ALK: variants seen among roughly 807,000 people sequenced by gnomAD.
ALK encodes ALK tyrosine kinase receptor.
In ALK, 74 loss-of-function variants were observed where a neutral mutation model predicts 163.1. The observed-to-expected ratio is 0.45, with a 90% CI of 0.38 to 0.55. The LOEUF is 0.55. Ranked by LOEUF, ALK falls within the 20% of genes least tolerant of loss-of-function variation. The pLI is 0.00. For synonymous variants in ALK, 960 were observed against 843.2 expected, an observed-to-expected ratio of 1.14 and a Z score of -2.40; for missense variants, 2,063 against 2,105.3, an observed-to-expected ratio of 0.98 and a Z score of 0.39.
intron 1 of ALK, among the ~76,000 whole-genome samples, chr2:29,755,893 G>A (rs1288423056): frequency 6.6e-6 from 1 of 152,188 alleles, no homozygotes; most frequent in Non-Finnish European, 1.5e-5. Flanking sequence ...TGTCAGCTCA[G>A]CCCTTTCTGC....
chr2:29,584,277 C>T (rs1313296844), intron 3 of ALK, among the ~76,000 whole-genome samples: 4 of 152,162 alleles, frequency 2.6e-5, no homozygotes, highest in African/African-American at 4.8e-5. Context: ...ACTTGTTAAA[C>T]GATGTTCCCC....
At chr2:29,196,924 C>T (rs1024906612) in intron 27 of ALK, 64 bp from the exon 28 acceptor site, 1 of 1,408,924 alleles carries the variant, frequency 7.1e-7, no homozygotes, top group Non-Finnish European at 1.0e-6. Flanking sequence ...ATATTTTCTT[C>T]CAGCCCCAGG....
intron 3 of ALK, among the ~76,000 whole-genome samples, chr2:29,653,745 A>G (rs1677099443): frequency 6.6e-6 from 1 of 152,096 alleles, no homozygotes; most frequent in Admixed American, 6.6e-5. Context: ...AGGGAGATAG[A>G]GAAGATGAGA....
intron 1 of ALK, among the ~76,000 whole-genome samples, chr2:29,860,391 A>AG (rs979204103): frequency 6.9e-5 from 9 of 129,506 alleles, no homozygotes; most frequent in Admixed American, 2.6e-4. Flanking sequence ...AAGGAAAGGG[A>AG]GAAAAAAAAA....
chr2:29,458,718 C>A (rs570035704), intron 4 of ALK, among the ~76,000 whole-genome samples: 1 of 152,238 alleles, frequency 6.6e-6, no homozygotes, highest in East Asian at 1.9e-4. Context: ...ATAGCTGAAG[C>A]CTCCATTAAG....
intron 5 of ALK, among the ~76,000 whole-genome samples, chr2:29,364,688 G>C (rs1197915356): frequency 6.6e-6 from 1 of 152,210 alleles, no homozygotes; most frequent in Non-Finnish European, 1.5e-5. Flanking sequence ...GGCCATCCTT[G>C]TAGAGACCAA....
At chr2:29,872,236 T>G (rs1473695057) in intron 1 of ALK, among the ~76,000 whole-genome samples, 4 of 152,174 alleles carry the variant, frequency 2.6e-5, no homozygotes, top group Admixed American at 6.5e-5. Flanking sequence ...GTCAAGGAAT[T>G]TAAGTACAGA....
At chr2:29,674,369 G>T (rs1677806337) in intron 3 of ALK, among the ~76,000 whole-genome samples, 1 of 151,746 alleles carries the variant, frequency 6.6e-6, no homozygotes, top group African/African-American at 2.4e-5. Flanking sequence ...AATTTATTGG[G>T]AGTTTTTAGC....
At chr2:29,762,306 G>A (rs1460847002) in intron 1 of ALK, among the ~76,000 whole-genome samples, 8 of 152,162 alleles carry the variant, frequency 5.3e-5, no homozygotes, top group Admixed American at 2.0e-4. Flanking sequence ...TTGTTCAAAC[G>A]AATTGACCTC....
chr2:29,891,371 C>T (rs139729795), intron 1 of ALK, among the ~76,000 whole-genome samples: 355 of 152,196 alleles, frequency 2.3e-3, no homozygotes, highest in African/African-American at 6.9e-3. Flanking sequence ...GAGAGGATGC[C>T]GGGTGACAAT....
intron 4 of ALK, among the ~76,000 whole-genome samples, chr2:29,498,452 C>G (rs558411339): frequency 6.6e-6 from 1 of 152,014 alleles, no homozygotes; most frequent in Non-Finnish European, 1.5e-5. Flanking sequence ...ATTACTGATG[C>G]TTTCTCTGTG....
At chr2:29,782,102 G>C (rs1663832546) in intron 1 of ALK, among the ~76,000 whole-genome samples, 1 of 152,168 alleles carries the variant, frequency 6.6e-6, no homozygotes, top group Admixed American at 6.5e-5. Context: ...CTCAGGGGAG[G>C]GGGGACAATA....
intron 5 of ALK, among the ~76,000 whole-genome samples, chr2:29,351,938 G>A (rs1044482046): frequency 2.0e-5 from 3 of 152,168 alleles, no homozygotes; most frequent in African/African-American, 4.8e-5. Flanking sequence ...TAGGTATGCA[G>A]AACCTTCTCA....
chr2:29,717,524 CTTA>C (rs776498907), intron 2 of ALK, 51 bp downstream of exon 2: 5 of 1,606,112 alleles, frequency 3.1e-6, no homozygotes, highest in Non-Finnish European at 4.3e-6. Context: ...TCACAGAGTC[CTTA>C]TTATGAGATA....
chr2:29,500,563 C>T (rs550128693), intron 4 of ALK, among the ~76,000 whole-genome samples: 4 of 151,658 alleles, frequency 2.6e-5, no homozygotes, highest in South Asian at 2.1e-4. Context: ...CTAGCCTCTT[C>T]TTTTTTTTTC....
chr2:29,421,374 T>G (rs1041371668), intron 4 of ALK, among the ~76,000 whole-genome samples: 3 of 151,314 alleles, frequency 2.0e-5, no homozygotes, highest in Non-Finnish European at 2.9e-5. Flanking sequence ...CGTTATTGAG[T>G]CAGCAGCACA....
chr2:29,710,211 C>T (rs1179011837), intron 2 of ALK, among the ~76,000 whole-genome samples: 1 of 152,172 alleles, frequency 6.6e-6, no homozygotes, highest in Non-Finnish European at 1.5e-5. Context: ...ACAAAATGCT[C>T]CTCCTTGCCT....
chr2:29,469,698 A>G (rs976309627), intron 4 of ALK, among the ~76,000 whole-genome samples: 6 of 152,162 alleles, frequency 3.9e-5, no homozygotes, highest in African/African-American at 1.4e-4. Context: ...AGTTTTTAAT[A>G]AGTTGTGGAT....
intron 1 of ALK, among the ~76,000 whole-genome samples, chr2:29,840,030 T>C (rs934814066): frequency 1.3e-5 from 2 of 152,242 alleles, no homozygotes; most frequent in Non-Finnish European, 2.9e-5. Flanking sequence ...AAAGCTAGTC[T>C]ACTTAGCAAA....
Sources: allele counts gnomAD v4.1 joint callset (sites outside exome capture counted in the v4.1 genomes callset), GRCh38; gene constraint gnomAD v4.1.1; transcripts MANE v1.5; gene names NCBI Gene and HGNC (gene_info 2026-07-23, HGNC 2026-07-21).